Variants in SLCO3A1 observed in about 807,000 individuals in gnomAD.
SLCO3A1 encodes solute carrier organic anion transporter family member 3A1.
SLCO3A1 carries 27 observed loss-of-function variants against 63.1 expected under a neutral mutation model. The ratio of observed to expected loss-of-function variants is 0.43; its 90% CI spans 0.32 to 0.59. The LOEUF (loss-of-function observed/expected upper bound fraction) is 0.59, where lower values mean the gene tolerates loss of function less well. Among genes scored for constraint, SLCO3A1 ranks in the 20% least tolerant of loss-of-function variants. The pLI is 0.09. For missense variants in SLCO3A1, 773 were observed against 945.8 expected, an observed-to-expected ratio of 0.82 and a Z score of 2.40; for synonymous variants, 473 against 409.9, an observed-to-expected ratio of 1.15 and a Z score of -1.86.
At chr15:91,989,790 C>T (rs972753346) in intron 2 of SLCO3A1, among the ~76,000 whole-genome samples, 3 of 152,238 alleles carry the variant, frequency 2.0e-5, no homozygotes, top group African/African-American at 7.2e-5. Flanking sequence ...CCATAAGCAT[C>T]TGTCATCTCC....
At chr15:91,924,585 A>G in intron 2 of SLCO3A1, among the ~76,000 whole-genome samples, 1 of 152,350 alleles carries the variant, frequency 6.6e-6, no homozygotes, top group Middle Eastern at 3.4e-3. Flanking sequence ...CACAGCCAGA[A>G]AAAAAGTGTT....
intron 1 of SLCO3A1, among the ~76,000 whole-genome samples, chr15:91,880,165 C>CTAT (rs1491313306): frequency 0.048 from 7,064 of 147,378 alleles, 270 homozygotes; most frequent in Non-Finnish European, 0.063. Context: ...ATCCATCCAT[C>CTAT]CATCCATCTA....
At position 91,853,934 on chromosome 15, in the gene SLCO3A1, C is replaced by A; in HGVS notation, c.26C>A (p.Ser9Ter). The change falls in exon 1 of 10, where the codon TCG becomes TAG. Residue 9 changes from serine (S) to a stop codon, truncating the protein, a stop_gained. Coordinates refer to ENST00000318445, the MANE Select transcript of SLCO3A1 (RefSeq NM_013272.4). LOFTEE classifies it high-confidence loss of function. ...ATGCAGGGGAAGAAGCCGGGCGGTT[C>A]GTCGGGCGGCGGCCGGAGCGGCGAG... MQGKKPGG[S>*]SGGGRSGELQ... 1 of 1,454,978 alleles carries A rather than the reference C, an allele frequency of 6.9e-7. No homozygotes were observed. Among genetic ancestry groups the A allele is most frequent in the Non-Finnish European group, 9.1e-7 (1 of 1,095,744 alleles). The allele number at this position is 1,454,978 out of a possible 1,614,324, so 90.1% of individuals were successfully genotyped here.
At chr15:92,017,834 C>G (rs886283447) in intron 2 of SLCO3A1, among the ~76,000 whole-genome samples, 4 of 152,048 alleles carry the variant, frequency 2.6e-5, no homozygotes, top group African/African-American at 7.3e-5. Flanking sequence ...TCCAGCAGAC[C>G]AGGGTGGAGG....
rs1899976690 is a variant in SLCO3A1, at chr15:91,950,925, AT to A, written c.646+34470del. Among the ~76,000 whole-genome samples the A allele has an allele frequency of 6.6e-6, 1 of 152,020 alleles. No homozygotes were observed. Among genetic ancestry groups the A allele is most frequent in the Admixed American group, 6.6e-5 (1 of 15,266 alleles). ...GAGAAAGAAAGAAAAAAAAAAAAGT[AT>A]TTCTCTGGCTTTCACTTCATTTGAC... On this transcript the variant is annotated intron_variant, in intron 2 of 9. Transcript: ENST00000318445. This position sits in a 1 kb window ranked among gnomAD's most constrained non-coding sequence, Gnocchi z 4.4.
At chr15:91,908,000 C>T (rs888413914) in intron 1 of SLCO3A1, among the ~76,000 whole-genome samples, 10 of 152,136 alleles carry the variant, frequency 6.6e-5, no homozygotes, top group South Asian at 6.2e-4. Flanking sequence ...AAAGCCACCA[C>T]GCACAACCCC....
At chr15:92,111,744 C>A (rs927931266) in intron 4 of SLCO3A1, among the ~76,000 whole-genome samples, 8 of 152,132 alleles carry the variant, frequency 5.3e-5, no homozygotes, top group Admixed American at 2.0e-4. Flanking sequence ...TGATGCCTGG[C>A]ACTTTGTTGA....
intron 2 of SLCO3A1, among the ~76,000 whole-genome samples, chr15:91,995,903 A>C (rs1209865944): frequency 1.3e-5 from 2 of 152,210 alleles, no homozygotes; most frequent in Non-Finnish European, 2.9e-5. Context: ...AAGAATGTCT[A>C]CAAAAATATT....
At chr15:92,012,814 C>CTA (rs2046383817) in intron 2 of SLCO3A1, among the ~76,000 whole-genome samples, 1 of 150,460 alleles carries the variant, frequency 6.6e-6, no homozygotes, top group Non-Finnish European at 1.5e-5. Flanking sequence ...GTAGAAACAT[C>CTA]CTCAGAGCAT....
At position 92,163,048 on chromosome 15, in the gene SLCO3A1, T is replaced by C. The variant is rs1283788670; in HGVS notation, c.2046T>C (p.Pro682=). 10 of 1,585,074 alleles carry C rather than the reference T, an allele frequency of 6.3e-6. No homozygotes were observed. The highest frequency in any genetic ancestry group is 1.2e-5 in the South Asian group (1 of 85,854). ...TLTLDNLGRD[P]VPANQTHRTK... is the part of the protein sequence containing the mutation. ...CCCTAGACAACCTGGGGAGGGACCC[T>C]GTGCCCGCAAACCAGACACATAGGA... Residue 682 remains proline (P), a synonymous_variant, in exon 10 of 10, where the codon CCT becomes CCC. Coordinates refer to ENST00000318445, the MANE Select transcript of SLCO3A1 (RefSeq NM_013272.4).
chr15:91,898,829 G>A (rs982361324), intron 1 of SLCO3A1, among the ~76,000 whole-genome samples: 1 of 152,100 alleles, frequency 6.6e-6, no homozygotes, highest in Non-Finnish European at 1.5e-5. Context: ...TTCATGGGGG[G>A]ACAATTAGGA....
intron 1 of SLCO3A1, among the ~76,000 whole-genome samples, chr15:91,890,389 T>C (rs2151356457): frequency 6.6e-6 from 1 of 152,292 alleles, no homozygotes; most frequent in Admixed American, 6.5e-5. Context: ...AGGAAACATA[T>C]ATTATATCCT....
chr15:91,994,512 G>T (rs8029185), intron 2 of SLCO3A1, among the ~76,000 whole-genome samples: 3 of 152,150 alleles, frequency 2.0e-5, no homozygotes, highest in Non-Finnish European at 4.4e-5. Context: ...CATGCCCTCA[G>T]CAGCTACGTT....
Position 91,912,146 on chromosome 15 carries a change from A to G in SLCO3A1, c.181-3847A>G, listed in dbSNP as rs1898507509. Among the ~76,000 whole-genome samples, 1 of 151,958 alleles carries G rather than the reference A, an allele frequency of 6.6e-6. No individual in the cohort carries two copies. Among genetic ancestry groups the G allele is most frequent in the Admixed American group, 6.6e-5 (1 of 15,256 alleles). On this transcript the variant is annotated intron_variant, in intron 1 of 9. Transcript: ENST00000318445. This position sits in a 1 kb window ranked among gnomAD's most constrained non-coding sequence, Gnocchi z 5.0. ...CAAGACCTTCTCCATTAGTCCTGTTACCCATTAAGTAAAGGCAGTCATTCC... is the reference window on the plus strand; with the variant it reads ...CAAGACCTTCTCCATTAGTCCTGTTGCCCATTAAGTAAAGGCAGTCATTCC...
intron 2 of SLCO3A1, among the ~76,000 whole-genome samples, chr15:92,089,927 A>G (rs368313292): frequency 6.6e-6 from 1 of 152,186 alleles, no homozygotes; most frequent in South Asian, 2.1e-4. Context: ...TCCAAAAGAA[A>G]TACGTAGTAG....
intron 2 of SLCO3A1, among the ~76,000 whole-genome samples, chr15:92,045,742 G>A (rs1422313337): frequency 2.0e-5 from 3 of 152,170 alleles, no homozygotes; most frequent in Non-Finnish European, 2.9e-5. Flanking sequence ...GAGGCAAGGT[G>A]CATTTATTGA....
chr15:91,871,216 T>C (rs1897271900), intron 1 of SLCO3A1, among the ~76,000 whole-genome samples: 1 of 152,242 alleles, frequency 6.6e-6, no homozygotes, highest in Non-Finnish European at 1.5e-5. Context: ...GTTCATGCTT[T>C]CTGTAGCCTG....
rs1372554897 is a variant in SLCO3A1, at chr15:91,854,553, A to T, written c.180+465A>T. The T allele has an allele frequency of 5.2e-6, 1 of 192,530 alleles. No homozygotes were observed. The highest frequency in any genetic ancestry group is 2.4e-5 in the African/African-American group (1 of 42,102). The allele number at this position is 192,530 out of a possible 1,614,324, so 11.9% of individuals were successfully genotyped here. On this transcript the variant is annotated intron_variant, in intron 1 of 9. Coordinates refer to ENST00000318445, the MANE Select transcript of SLCO3A1 (RefSeq NM_013272.4). The surrounding 1 kb of genome is among the most constrained non-coding windows in gnomAD (Gnocchi z 6.4). ...CTCGAGAACAAATCTATTATGCATC[A>T]TTTTCTCCGGGCGCTTTCTACATCC...
chr15:91,893,022 T>C (rs1897910942), intron 1 of SLCO3A1, among the ~76,000 whole-genome samples: 1 of 152,228 alleles, frequency 6.6e-6, no homozygotes, highest in Non-Finnish European at 1.5e-5. Context: ...GATTCTTCAA[T>C]GCATAAATGA....
Sources: allele counts gnomAD v4.1 joint callset (sites outside exome capture counted in the v4.1 genomes callset), GRCh38; gene constraint gnomAD v4.1.1; non-coding constraint Gnocchi (gnomAD v3.1); transcripts MANE v1.5; gene names NCBI Gene and HGNC (gene_info 2026-07-23, HGNC 2026-07-21).